Variants in BARX2 observed in about 807,000 individuals in gnomAD.
BARX2 encodes homeobox protein BarH-like 2.
A neutral mutation model predicts 25.5 loss-of-function variants in BARX2; 11 were observed. That is an observed-to-expected ratio of 0.43 (90% CI 0.27 to 0.71). The LOEUF is 0.71. BARX2 is among the 30% of genes least tolerant of loss of function. The pLI, the probability that BARX2 is intolerant of heterozygous loss-of-function variation, is 0.19. For synonymous variants in BARX2, 137 were observed against 149.5 expected (o/e 0.92, Z 0.61); for missense variants, 360 against 359.9 (o/e 1.00, Z 0.00).
chr11:129,431,100 G>A (rs111626479), intron 1 of BARX2, among the ~76,000 whole-genome samples: 4 of 152,016 alleles, frequency 2.6e-5, no homozygotes, highest in Admixed American at 1.3e-4. Context: ...GGCCTCAAGA[G>A]ATCTACCACC....
intron 2 of BARX2, chr11:129,437,493 C>T (rs998831513): frequency 1.0e-6 from 1 of 988,816 alleles, no homozygotes; most frequent in Non-Finnish European, 1.2e-6. Context: ...AGTTTGCTGG[C>T]CTGGCTATTG....
intron 1 of BARX2, among the ~76,000 whole-genome samples, chr11:129,377,305 C>T (rs995447053): frequency 1.3e-5 from 2 of 152,194 alleles, no homozygotes; most frequent in East Asian, 3.8e-4. Flanking sequence ...TGCGTGGAAT[C>T]CTGTATTTTC....
Position 129,451,278 on chromosome 11 carries a change from G to C in BARX2, c.716G>C (p.Gly239Ala). 6.2e-7 allele frequency: 1 copy of C among 1,614,166 alleles called. No individual in the cohort carries two copies. The highest frequency in any genetic ancestry group is 8.5e-7 in the Non-Finnish European group (1 of 1,180,036). ...CAGGAGCAGCTGGAGCCCTCTCAGG[G>C]GCAGGAGGAGCTCTGTGAAGCACAG... ...QGQEQLEPSQ[G>A]QEELCEAQEP... The change falls in exon 4 of 4, where the codon GGG (glycine) becomes GCG (alanine). Residue 239 changes from glycine (G) to alanine (A), a missense_variant. This residue lies in a region of BARX2 where 114 missense variants were observed against 109.4 expected (regional missense o/e 1.04). Coordinates refer to ENST00000281437, the MANE Select transcript of BARX2 (RefSeq NM_003658.5).
At chr11:129,431,581 C>T (rs969679237) in intron 1 of BARX2, among the ~76,000 whole-genome samples, 13 of 152,156 alleles carry the variant, frequency 8.5e-5, no homozygotes, top group Admixed American at 2.6e-4. Flanking sequence ...ATATGTAGAA[C>T]CTCTTTGGTA....
chr11:129,429,253 C>A (rs1030470638), intron 1 of BARX2, among the ~76,000 whole-genome samples: 2 of 151,956 alleles, frequency 1.3e-5, no homozygotes, highest in African/African-American at 4.8e-5. Flanking sequence ...AACTGGAGGC[C>A]GGGCATGGTG....
rs550696841 is a variant in BARX2, at chr11:129,377,694, T to C, written c.187+1472T>C. Among the ~76,000 whole-genome samples the C allele has an allele frequency of 5.9e-5, 9 of 152,344 alleles. No individual in the cohort carries two copies. In the South Asian group the frequency reaches 1.9e-3, roughly 32 times the overall value. On this transcript the variant is annotated intron_variant, in intron 1 of 3. Coordinates refer to ENST00000281437, the MANE Select transcript of BARX2 (RefSeq NM_003658.5). ...ATTGTTTTGAGCACAAATCATCCTT[T>C]GTTATAATAACTCAATTCCCTTCGA... is the stretch of plus-strand genomic sequence containing the variant.
At chr11:129,441,279 C>T (rs1364102521) in intron 2 of BARX2, among the ~76,000 whole-genome samples, 1 of 152,112 alleles carries the variant, frequency 6.6e-6, no homozygotes, top group African/African-American at 2.4e-5. Flanking sequence ...GTGTACAGGT[C>T]AGACATCGTG....
At chr11:129,395,535 G>A (rs1194578385) in intron 1 of BARX2, among the ~76,000 whole-genome samples, 1 of 152,098 alleles carries the variant, frequency 6.6e-6, no homozygotes, top group Non-Finnish European at 1.5e-5. Flanking sequence ...TGTGTGTGAG[G>A]CTTTTCGTGT....
At chr11:129,397,280 CAAA>C (rs35729336) in intron 1 of BARX2, among the ~76,000 whole-genome samples, 4 of 111,196 alleles carry the variant, frequency 3.6e-5, no homozygotes, top group African/African-American at 3.3e-5. Flanking sequence ...ACCCTGTCTC[CAAA>C]AAAAAAAAAA....
Position 129,410,226 on chromosome 11 carries a change from T to G in BARX2, c.188-26525T>G, listed in dbSNP as rs894217305. Among the ~76,000 whole-genome samples, 3 of 152,236 alleles carry G rather than the reference T, an allele frequency of 2.0e-5. No individual in the cohort carries two copies. In the South Asian group the frequency reaches 6.2e-4, roughly 32 times the overall value. Reference sequence around the variant, plus strand: ...AATCTATTTTTTATTTTTTCCTCAATTTGATCTTCCAGCTGTCTTCTACTT... The same window carrying G: ...AATCTATTTTTTATTTTTTCCTCAAGTTGATCTTCCAGCTGTCTTCTACTT... On this transcript the variant is annotated intron_variant, in intron 1 of 3. Coordinates refer to ENST00000281437, the MANE Select transcript of BARX2 (RefSeq NM_003658.5).
At chr11:129,419,069 C>T (rs1020529246) in intron 1 of BARX2, among the ~76,000 whole-genome samples, 1 of 152,138 alleles carries the variant, frequency 6.6e-6, no homozygotes, top group African/African-American at 2.4e-5. Context: ...CTACATGGTC[C>T]CTGTGTGAGT....
intron 1 of BARX2, among the ~76,000 whole-genome samples, chr11:129,380,632 G>T (rs1493547): frequency 0.79 from 119,490 of 152,036 alleles, 47,754 homozygotes; most frequent in Admixed American, 0.88. Flanking sequence ...TAGGCTTTTA[G>T]TAGCAATTAC....
At chr11:129,443,943 C>T (rs10736575) in intron 3 of BARX2, among the ~76,000 whole-genome samples, 43,685 of 151,916 alleles carry the variant, frequency 0.29, 6,983 homozygotes, top group East Asian at 0.65. Context: ...CCTCACCAAA[C>T]GTTAGTGGCT....
chr11:129,423,687 T>C (rs1170204177), intron 1 of BARX2, among the ~76,000 whole-genome samples: 1 of 152,124 alleles, frequency 6.6e-6, no homozygotes, highest in Non-Finnish European at 1.5e-5. Context: ...TGTTTATCAT[T>C]CTTGAAATTC....
intron 1 of BARX2, among the ~76,000 whole-genome samples, chr11:129,406,672 C>A (rs896785992): frequency 1.3e-5 from 2 of 152,192 alleles, no homozygotes; most frequent in African/African-American, 4.8e-5. Flanking sequence ...GTGGACCCCC[C>A]AGTCCTGGGC....
At chr11:129,381,786 G>T (rs1861566440) in intron 1 of BARX2, among the ~76,000 whole-genome samples, 1 of 152,180 alleles carries the variant, frequency 6.6e-6, no homozygotes, top group Non-Finnish European at 1.5e-5. Flanking sequence ...TTTATAAAGA[G>T]AGATTGAAAG....
At chr11:129,443,950 G>A (rs1482605910) in intron 3 of BARX2, among the ~76,000 whole-genome samples, 1 of 152,024 alleles carries the variant, frequency 6.6e-6, no homozygotes, top group Admixed American at 6.6e-5. Flanking sequence ...AAACGTTAGT[G>A]GCTCTTTCTC....
intron 1 of BARX2, among the ~76,000 whole-genome samples, chr11:129,410,240 T>C (rs1393460599): frequency 1.3e-5 from 2 of 152,248 alleles, no homozygotes; most frequent in Non-Finnish European, 2.9e-5. Flanking sequence ...ATCTTCCAGC[T>C]GTCTTCTACT....
intron 1 of BARX2, among the ~76,000 whole-genome samples, chr11:129,420,014 C>G (rs1275908533): frequency 1.3e-5 from 2 of 152,044 alleles, no homozygotes; most frequent in Admixed American, 6.6e-5. Flanking sequence ...CTTCTGACCT[C>G]AGGTGATCCG....
Sources: gnomAD v4.1 joint callset for allele counts (sites outside exome capture counted in the v4.1 genomes callset) on GRCh38, gnomAD v4.1.1 for gene constraint, gnomAD v4.1.1 regional missense constraint, MANE v1.5 for transcripts, NCBI Gene and HGNC (gene_info 2026-07-23, HGNC 2026-07-21) for gene names.